Variants in MAF observed in about 807,000 individuals in gnomAD.
MAF encodes the protein MAF bZIP transcription factor, also known as transcription factor Maf.
In MAF, 10 loss-of-function variants were observed where a neutral mutation model predicts 22.0. That is an observed-to-expected ratio of 0.45 (90% CI 0.28 to 0.77). MAF has a LOEUF of 0.77. MAF is among the 30% of genes least tolerant of loss of function. MAF has a pLI of 0.12. For missense variants in MAF, 544 were observed against 548.4 expected (o/e 0.99, Z 0.08); for synonymous variants, 337 against 255.8 (o/e 1.32, Z -3.03).
chr16:79,310,187 A>G, the MAF span, among the ~76,000 whole-genome samples: 1 of 152,168 alleles, frequency 6.6e-6, no homozygotes, highest in Non-Finnish European at 1.5e-5. Flanking sequence ...CCTTTTGTGC[A>G]TGAGGTCAAT....
the MAF span, among the ~76,000 whole-genome samples, chr16:79,416,312 G>C: frequency 1.3e-5 from 2 of 152,160 alleles, no homozygotes; most frequent in East Asian, 3.9e-4. Context: ...TTAGCCATGA[G>C]TTATTGGGAA....
chr16:79,533,422 T>A, the MAF span, among the ~76,000 whole-genome samples: 1 of 152,314 alleles, frequency 6.6e-6, no homozygotes, highest in Non-Finnish European at 1.5e-5. Flanking sequence ...ATATTAATAC[T>A]ACAGCTTGCT....
At chr16:79,497,514 C>G in the MAF span, among the ~76,000 whole-genome samples, 1 of 152,196 alleles carries the variant, frequency 6.6e-6, no homozygotes, top group Non-Finnish European at 1.5e-5. Context: ...AGGCCTATAC[C>G]TAGCTCTTTT....
the MAF span, among the ~76,000 whole-genome samples, chr16:79,567,418 A>T: frequency 6.6e-6 from 1 of 152,210 alleles, no homozygotes; most frequent in African/African-American, 2.4e-5. Context: ...AGATACATCC[A>T]CATACTGTCA....
At chr16:79,400,433 AT>A in the MAF span, among the ~76,000 whole-genome samples, 1 of 152,266 alleles carries the variant, frequency 6.6e-6, no homozygotes, top group South Asian at 2.1e-4. Flanking sequence ...TCTTAGGAAG[AT>A]TTAGTAAACT....
At chr16:79,394,786 A>T in the MAF span, among the ~76,000 whole-genome samples, 1 of 152,172 alleles carries the variant, frequency 6.6e-6, no homozygotes, top group African/African-American at 2.4e-5. Context: ...CAACCTAGGT[A>T]GCAGGTTTTT....
At chr16:79,433,963 T>C in the MAF span, among the ~76,000 whole-genome samples, 2 of 152,184 alleles carry the variant, frequency 1.3e-5, no homozygotes, top group Non-Finnish European at 2.9e-5. Flanking sequence ...CCTTTTCTTC[T>C]TCTACCAGGC....
At chr16:79,474,197 C>A in the MAF span, among the ~76,000 whole-genome samples, 1 of 152,110 alleles carries the variant, frequency 6.6e-6, no homozygotes, top group South Asian at 2.1e-4. Flanking sequence ...AGGGCTACCC[C>A]CTCCTCCAAA....
At chr16:79,340,701 G>A in the MAF span, among the ~76,000 whole-genome samples, 1 of 151,884 alleles carries the variant, frequency 6.6e-6, no homozygotes, top group Non-Finnish European at 1.5e-5. Context: ...CTCATTGTAG[G>A]GTGGGGAGCA....
the MAF span, among the ~76,000 whole-genome samples, chr16:79,315,690 G>A: frequency 2.0e-5 from 3 of 152,194 alleles, no homozygotes; most frequent in African/African-American, 4.8e-5. Context: ...CCAATGCTGG[G>A]TGGGTGGCAT....
chr16:79,435,608 G>A, the MAF span, among the ~76,000 whole-genome samples: 1 of 152,168 alleles, frequency 6.6e-6, no homozygotes, highest in East Asian at 1.9e-4. Flanking sequence ...GGAACTGTCT[G>A]CTCAGGGTCA....
At chr16:79,568,533 G>A in the MAF span, among the ~76,000 whole-genome samples, 1 of 152,172 alleles carries the variant, frequency 6.6e-6, no homozygotes, top group Non-Finnish European at 1.5e-5. Context: ...GGCATACACT[G>A]AGGCTAGAAA....
the MAF span, among the ~76,000 whole-genome samples, chr16:79,231,252 G>GTT: frequency 1.3e-5 from 2 of 152,040 alleles, 1 homozygote; most frequent in Non-Finnish European, 2.9e-5. Flanking sequence ...AGACTTGACT[G>GTT]TTTAAGAACC....
the MAF span, among the ~76,000 whole-genome samples, chr16:79,216,898 C>T: frequency 3.3e-5 from 5 of 152,144 alleles, no homozygotes; most frequent in Non-Finnish European, 5.9e-5. Context: ...CCACAGCCAC[C>T]TCCGGGGTTC....
chr16:79,578,338 C>A, the MAF span, among the ~76,000 whole-genome samples: 2 of 151,868 alleles, frequency 1.3e-5, no homozygotes, highest in Non-Finnish European at 2.9e-5. Context: ...AGAGTCACAC[C>A]ATGCTTTCTT....
chr16:79,327,133 G>A, the MAF span, among the ~76,000 whole-genome samples: 1 of 152,174 alleles, frequency 6.6e-6, no homozygotes, highest in Non-Finnish European at 1.5e-5. Flanking sequence ...AGCAAAAGTG[G>A]ATTGGATTTT....
the MAF span, among the ~76,000 whole-genome samples, chr16:79,575,069 A>G: frequency 2.5e-4 from 38 of 150,898 alleles, no homozygotes; most frequent in African/African-American, 8.5e-4. Flanking sequence ...AACGGCCACT[A>G]AAGGTTCTTG....
chr16:79,334,314 G>C, the MAF span, among the ~76,000 whole-genome samples: 1 of 152,174 alleles, frequency 6.6e-6, no homozygotes, highest in East Asian at 1.9e-4. Flanking sequence ...AAAGCGTCCA[G>C]ACCCTGCAGC....
chr16:79,254,836 C>T, the MAF span, among the ~76,000 whole-genome samples: 2 of 152,160 alleles, frequency 1.3e-5, no homozygotes, highest in Non-Finnish European at 2.9e-5. Context: ...ACATAAATAC[C>T]AGCTCAACCA....
Sources: gnomAD v4.1 joint callset for allele counts (sites outside exome capture counted in the v4.1 genomes callset) on GRCh38, gnomAD v4.1.1 for gene constraint, MANE v1.5 for transcripts, NCBI Gene and HGNC (gene_info 2026-07-23, HGNC 2026-07-21) for gene names.